Variants in FAM227A observed in about 807,000 individuals in gnomAD.
FAM227A encodes the protein family with sequence similarity 227 member A, also known as protein FAM227A.
Under a neutral mutation model 74.7 loss-of-function variants are expected in FAM227A, and 80 were observed. The observed-to-expected ratio is 1.07, with a 90% confidence interval of 0.89 to 1.29. FAM227A has a LOEUF of 1.29. Among genes scored for constraint, FAM227A ranks in the 50% most tolerant of loss-of-function variants. The pLI is 0.00. For missense variants in FAM227A, 654 were observed against 683.4 expected (o/e 0.96, Z 0.48); for synonymous variants, 237 against 241.8 (o/e 0.98, Z 0.19).
chr22:38,599,934 G>C lies in FAM227A; in HGVS notation c.1222-13C>G, dbSNP rs1247095194. The C allele has an allele frequency of 6.6e-7, 1 of 1,519,760 alleles. No homozygotes were observed. Among genetic ancestry groups the C allele is most frequent in the South Asian group, 1.3e-5 (1 of 79,162 alleles). The allele number at this position is 1,519,760 out of a possible 1,614,324, so 94.1% of individuals were successfully genotyped here. A position where few individuals can be genotyped will look rare whatever the true frequency, so the allele number is the denominator to read the frequency against. ...AGGCAGCACACGACTAAGGATGAAA[G>C]AAAAAGGAAAAATAAAGGATATTGT... On this transcript the variant is annotated splice_polypyrimidine_tract_variant and intron_variant, in intron 13 of 16. Coordinates refer to ENST00000535113, the MANE Select transcript of FAM227A (RefSeq NM_001013647.2).
chr22:38,627,727 C>A (rs1281114344), intron 8 of FAM227A, among the ~76,000 whole-genome samples: 3 of 151,972 alleles, frequency 2.0e-5, no homozygotes, highest in African/African-American at 4.8e-5. Context: ...CTCAGCCTCC[C>A]GAGTAGCTGG....
intron 12 of FAM227A, 117 bp downstream of exon 12, chr22:38,607,272 G>T: frequency 3.0e-6 from 2 of 659,246 alleles, no homozygotes; most frequent in Non-Finnish European, 5.3e-6. Context: ...GCCCAGGCTG[G>T]AACCCCAAGT....
intron 15 of FAM227A, among the ~76,000 whole-genome samples, chr22:38,594,928 C>G (rs1235352261): frequency 1.3e-5 from 2 of 152,064 alleles, no homozygotes; most frequent in Non-Finnish European, 2.9e-5. Flanking sequence ...GAAACCCTGT[C>G]TCTACTAAAA....
intron 1 of FAM227A, among the ~76,000 whole-genome samples, chr22:38,654,964 A>G (rs1032502532): frequency 1.4e-5 from 2 of 147,560 alleles, no homozygotes; most frequent in Non-Finnish European, 3.0e-5. Flanking sequence ...AAATAAATAA[A>G]TAAATAAATA....
chr22:38,612,353 C>T (rs1227310612), intron 11 of FAM227A, among the ~76,000 whole-genome samples: 1 of 152,234 alleles, frequency 6.6e-6, no homozygotes, highest in African/African-American at 2.4e-5. Flanking sequence ...TCTTCTCACT[C>T]TCTGGGGTAC....
Position 38,579,831 on chromosome 22 carries a change from A to G in FAM227A, c.*6294T>C, listed in dbSNP as rs1331922049. The G allele has an allele frequency of 6.6e-6, 1 of 152,244 alleles. No individual in the cohort carries two copies. The highest frequency in any genetic ancestry group is 1.5e-5 in the Non-Finnish European group (1 of 68,044). 9.4% of individuals were successfully genotyped at this position (152,244 alleles called of 1,614,324 possible). On this transcript the variant is annotated 3_prime_UTR_variant, in exon 17 of 17. Coordinates refer to ENST00000535113, the MANE Select transcript of FAM227A (RefSeq NM_001013647.2). ...GAATAATTTTATATATAAAATATTT[A>G]AGATTCAGATATCCATTTGTCTCAT...
At chr22:38,599,943 A>C in intron 13 of FAM227A, 22 bp from the exon 14 acceptor site, 1 of 1,525,422 alleles carries the variant, frequency 6.6e-7, no homozygotes, top group Non-Finnish European at 8.8e-7. Flanking sequence ...AGAAAAAGGA[A>C]AAATAAAGGA....
intron 16 of FAM227A, among the ~76,000 whole-genome samples, chr22:38,590,463 A>G (rs1458352996): frequency 2.0e-5 from 3 of 152,184 alleles, no homozygotes; most frequent in African/African-American, 7.2e-5. Flanking sequence ...GCAGCTTGAA[A>G]AAGAAGTCAG....
intron 6 of FAM227A, 79 bp downstream of exon 6, chr22:38,636,372 C>G: frequency 6.8e-7 from 1 of 1,470,320 alleles, no homozygotes; most frequent in Non-Finnish European, 9.2e-7. Context: ...TCCTCAGTTT[C>G]TCCTGGGGTG....
In FAM227A at chr22:38,582,498, T is replaced by C; in HGVS notation, c.*3627A>G. 7.3e-7 allele frequency: 1 copy of C among 1,362,924 alleles called. No homozygotes were observed. The highest frequency in any genetic ancestry group is 1.0e-6 in the Non-Finnish European group (1 of 988,636). 84.4% of individuals were successfully genotyped at this position (1,362,924 alleles called of 1,614,324 possible). On this transcript the variant is annotated 3_prime_UTR_variant, in exon 17 of 17. Coordinates refer to ENST00000535113, the MANE Select transcript of FAM227A (RefSeq NM_001013647.2). ...TAAATGTTAGTTCCCTTTGATGCTCTACCCCGCTTCCCTTATAAAGGGCAA... is the reference window on the plus strand; with the variant it reads ...TAAATGTTAGTTCCCTTTGATGCTCCACCCCGCTTCCCTTATAAAGGGCAA...
At chr22:38,654,205 G>A (rs1001650677) in intron 1 of FAM227A, among the ~76,000 whole-genome samples, 10 of 151,796 alleles carry the variant, frequency 6.6e-5, no homozygotes, top group African/African-American at 2.2e-4. Flanking sequence ...AAAACTAGCC[G>A]GGTGTGATGG....
rs2091335333 is a variant in FAM227A at position 38,608,339 on chromosome 22, TATAA to T, written c.1039-867_1039-864del. Reference sequence around the variant, plus strand: ...CAAACCCTGTCTTTAAATAAGTAAATATAAATACATTTCTCTCCCACATAAAAGT... The same window carrying T: ...CAAACCCTGTCTTTAAATAAGTAAATATACATTTCTCTCCCACATAAAAGT... On this transcript the variant is annotated intron_variant, in intron 11 of 16. Transcript: ENST00000535113. 2.0e-5 allele frequency among the ~76,000 whole-genome samples: 3 copies of T among 151,720 alleles called. 1 individual carries two copies. Among genetic ancestry groups the T allele is most frequent in the African/African-American group, 2.4e-5 (1 of 41,302 alleles).
chr22:38,611,078 T>C (rs1429006905), intron 11 of FAM227A, among the ~76,000 whole-genome samples: 1 of 151,640 alleles, frequency 6.6e-6, no homozygotes, highest in Non-Finnish European at 1.5e-5. Context: ...AAAAAAAAAA[T>C]CTTTCCTATC....
intron 16 of FAM227A, among the ~76,000 whole-genome samples, chr22:38,589,932 C>G (rs538089517): frequency 1.5e-3 from 227 of 152,092 alleles, no homozygotes; most frequent in Non-Finnish European, 2.1e-3. Context: ...AAGATCTCAT[C>G]TCTTAAATAA....
chr22:38,620,721 A>G (rs2091671022), intron 10 of FAM227A, among the ~76,000 whole-genome samples: 1 of 151,612 alleles, frequency 6.6e-6, no homozygotes, highest in African/African-American at 2.4e-5. Flanking sequence ...AGGCAGGAGA[A>G]TAGTGTGATC....
intron 1 of FAM227A, among the ~76,000 whole-genome samples, chr22:38,651,106 C>T (rs879493095): frequency 2.0e-5 from 3 of 152,134 alleles, no homozygotes; most frequent in Non-Finnish European, 2.9e-5. Flanking sequence ...CTTCCTGCTC[C>T]CTGACCACAC....
At chr22:38,591,632 G>T in intron 15 of FAM227A, 92 bp from the exon 16 acceptor site, 1 of 827,232 alleles carries the variant, frequency 1.2e-6, no homozygotes. Flanking sequence ...ATAGATCCAC[G>T]TGACCATTTA....
At chr22:38,594,804 T>C (rs2091008472) in intron 15 of FAM227A, among the ~76,000 whole-genome samples, 1 of 151,548 alleles carries the variant, frequency 6.6e-6, no homozygotes, top group Non-Finnish European at 1.5e-5. Flanking sequence ...CTACTAAAAA[T>C]GCAAAATTAA....
intron 3 of FAM227A, among the ~76,000 whole-genome samples, chr22:38,640,632 C>T (rs2092094876): frequency 6.6e-6 from 1 of 152,176 alleles, no homozygotes; most frequent in Admixed American, 6.6e-5. Context: ...TTTTTGCCCT[C>T]AAGGGACTTA....
Sources: gnomAD v4.1 joint callset for allele counts (sites outside exome capture counted in the v4.1 genomes callset) on GRCh38, gnomAD v4.1.1 for gene constraint, MANE v1.5 for transcripts, NCBI Gene and HGNC (gene_info 2026-07-23, HGNC 2026-07-21) for gene names.